PRCP: variants seen among roughly 807,000 people sequenced by gnomAD.
The protein encoded by PRCP is lysosomal Pro-X carboxypeptidase.
Under a neutral mutation model 54.2 loss-of-function variants are expected in PRCP, and 46 were observed. The ratio of observed to expected loss-of-function variants is 0.85; its 90% CI spans 0.67 to 1.09. The LOEUF (loss-of-function observed/expected upper bound fraction) is 1.09. PRCP is among the 50% of genes least tolerant of loss of function. The pLI is 0.00. For missense variants in PRCP, 613 were observed against 596.8 expected, an observed-to-expected ratio of 1.03 and a Z score of -0.28; for synonymous variants, 240 against 212.2, an observed-to-expected ratio of 1.13 and a Z score of -1.14.
chr11:82,900,187 G>A (rs1321483321), intron 1 of PRCP, 48 bp downstream of exon 1: 1 of 1,602,596 alleles, frequency 6.2e-7, no homozygotes, highest in African/African-American at 1.3e-5. Flanking sequence ...GAGGGTCAGG[G>A]TTCCCGGCGG....
intron 1 of PRCP, among the ~76,000 whole-genome samples, chr11:82,880,326 G>A (rs941196598): frequency 3.9e-5 from 6 of 152,224 alleles, no homozygotes; most frequent in African/African-American, 7.2e-5. Flanking sequence ...CTGTGGGTGT[G>A]GGACCCTCTG....
chr11:82,865,192 CA>C (rs1859302132), intron 1 of PRCP, among the ~76,000 whole-genome samples: 1 of 152,170 alleles, frequency 6.6e-6, no homozygotes, highest in African/African-American at 2.4e-5. Flanking sequence ...TAATTCTTTT[CA>C]TGTGCTTTTA....
intron 8 of PRCP, chr11:82,829,519 A>G (rs1473670009): frequency 6.6e-6 from 1 of 151,980 alleles, no homozygotes; most frequent in African/African-American, 2.4e-5. Context: ...TTCCCTGGTC[A>G]CTCTAATAAA....
At position 82,850,361 on chromosome 11, in the gene PRCP, C is replaced by A; in HGVS notation, c.556G>T (p.Ala186Ser). Residue 186 changes from alanine to serine, a missense_variant, in exon 4 of 9, where the codon GCC becomes TCC. Transcript: ENST00000313010. Reference sequence around the variant, plus strand: ...TGAGGATATTTCATCCTAAACCAGGCGGCAAGCATGCCACCATAGGAGCCT... The same window carrying A: ...TGAGGATATTTCATCCTAAACCAGGAGGCAAGCATGCCACCATAGGAGCCT... ...IGGSYGGMLA[A>S]WFRMKYPHMV... is the part of the protein sequence containing the mutation. The A allele has an allele frequency of 6.3e-7, 1 of 1,587,438 alleles. No individual in the cohort carries two copies. The highest frequency in any genetic ancestry group is 8.6e-7 in the Non-Finnish European group (1 of 1,165,378).
intron 1 of PRCP, among the ~76,000 whole-genome samples, chr11:82,878,082 T>C (rs978639574): frequency 6.6e-6 from 1 of 152,206 alleles, no homozygotes; most frequent in Non-Finnish European, 1.5e-5. Flanking sequence ...AAAATTTGAC[T>C]GCCCACTGGA....
intron 1 of PRCP, among the ~76,000 whole-genome samples, chr11:82,866,157 A>G (rs771647768): frequency 1.3e-5 from 2 of 152,256 alleles, no homozygotes; most frequent in African/African-American, 2.4e-5. Flanking sequence ...CATACAATGA[A>G]GATACCAGAA....
At chr11:82,897,466 T>C (rs1197100363) in intron 1 of PRCP, among the ~76,000 whole-genome samples, 6 of 152,296 alleles carry the variant, frequency 3.9e-5, no homozygotes, top group Admixed American at 2.0e-4. Flanking sequence ...ACACATACAA[T>C]ATAGTAAATG....
At chr11:82,865,394 A>C (rs1859307816) in intron 1 of PRCP, among the ~76,000 whole-genome samples, 1 of 152,232 alleles carries the variant, frequency 6.6e-6, no homozygotes, top group South Asian at 2.1e-4. Context: ...TACATTGCAG[A>C]ATATGTGGAA....
chr11:82,899,687 A>C (rs947212087), intron 1 of PRCP, among the ~76,000 whole-genome samples: 1 of 152,146 alleles, frequency 6.6e-6, no homozygotes, highest in Non-Finnish European at 1.5e-5. Flanking sequence ...AGCATAGGCT[A>C]CATACATTCA....
At position 82,824,676 on chromosome 11, in the gene PRCP, G is replaced by A. The variant is rs1268574043; in HGVS notation, c.*230C>T. ...TATGAGGGCCACTGATGGTGTGGGA[G>A]AGCTATCAAGAAGATTCTTCCTAGA... On this transcript the variant is annotated 3_prime_UTR_variant, in exon 9 of 9. Coordinates refer to ENST00000313010, the MANE Select transcript of PRCP (RefSeq NM_005040.4). 11 of 509,756 alleles carry A rather than the reference G, an allele frequency of 2.2e-5. No homozygotes were observed. The highest frequency in any genetic ancestry group is 3.9e-5 in the Non-Finnish European group (11 of 283,596). The allele number at this position is 509,756 out of a possible 1,614,324, so 31.6% of individuals were successfully genotyped here.
intron 8 of PRCP, 94 bp downstream of exon 8, chr11:82,838,293 G>C (rs781305040): frequency 8.4e-7 from 1 of 1,192,822 alleles, no homozygotes; most frequent in Non-Finnish European, 1.2e-6. Flanking sequence ...ATTCTATGTT[G>C]TTATATTGTC....
chr11:82,895,577 T>C (rs1388758154), intron 1 of PRCP, among the ~76,000 whole-genome samples: 1 of 152,234 alleles, frequency 6.6e-6, no homozygotes, highest in Non-Finnish European at 1.5e-5. Context: ...ACATGATCTC[T>C]AAGGCCCCTT....
At chr11:82,850,223 C>A (rs1262740543) in intron 4 of PRCP, 101 bp downstream of exon 4, 1 of 1,165,412 alleles carries the variant, frequency 8.6e-7, no homozygotes, top group East Asian at 2.8e-5. Flanking sequence ...AAGCCAGAAA[C>A]CTCAGGGTAA....
chr11:82,900,904 C>T (rs892592304), upstream of PRCP: 1 of 455,838 alleles, frequency 2.2e-6, no homozygotes, highest in Non-Finnish European at 4.4e-6. Context: ...AGGTTCACTA[C>T]AGGCCAGTGT....
rs1461709441 is a variant in PRCP, at chr11:82,849,095, G to A, written c.875C>T (p.Pro292Leu). ...TWVNLAMVDY[P>L]YASNFLQPLP... The stretch of plus-strand genomic sequence containing the variant: ...AGGCTGTAAAAAGTTAGAGGCATAA[G>A]GATAGTCCACCATTGCCAGATTCAC... The change falls in exon 6 of 9, where the codon CCT (proline) becomes CTT (leucine). Residue 292 changes from proline to leucine, a missense_variant. Physicochemically the swap from Pro to Leu is moderately conservative, Grantham distance 98. Coordinates refer to ENST00000313010, the MANE Select transcript of PRCP (RefSeq NM_005040.4). The A allele has an allele frequency of 3.1e-6, 5 of 1,614,102 alleles. No homozygotes were observed. Among genetic ancestry groups the A allele is most frequent in the Non-Finnish European group, 2.5e-6 (3 of 1,179,970 alleles).
intron 8 of PRCP, chr11:82,830,948 C>T (rs1187838374): frequency 6.9e-6 from 1 of 144,278 alleles, no homozygotes; most frequent in East Asian, 2.1e-4. Flanking sequence ...GGCTTAGCAA[C>T]AGTGTTTGGA....
Position 82,835,372 on chromosome 11 carries a change from A to C in PRCP, c.1274+3015T>G, listed in dbSNP as rs183930676. On this transcript the variant is annotated intron_variant, in intron 8 of 8. Transcript: ENST00000313010. The stretch of plus-strand genomic sequence containing the variant: ...CTAAAAGCTTTTGGCTATGTACCAA[A>C]GGCCAAATTTGACTTATTTAAAATA... The C allele has an allele frequency of 1.6e-4, 25 of 154,220 alleles. No homozygotes were observed. The Admixed American group carries it at 1.6e-3, about 10-fold the overall frequency. The allele number at this position is 154,220 out of a possible 1,614,324, so 9.6% of individuals were successfully genotyped here.
Position 82,849,933 on chromosome 11 carries a change from A to C in PRCP, c.732T>G (p.Ile244Met). 6.6e-7 allele frequency: 1 copy of C among 1,512,972 alleles called. No homozygotes were observed. The highest frequency in any genetic ancestry group is 1.4e-5 in the South Asian group (1 of 73,944). 93.7% of individuals were successfully genotyped at this position (1,512,972 alleles called of 1,614,324 possible). A position where few individuals can be genotyped will look rare whatever the true frequency, so the allele number is the denominator to read the frequency against. ...GCTTACCAGTATTTGAGAGTCGATT[A>C]ATGGCATCCCAGGACCTGTGGATGC... The part of the protein sequence containing the change: ...SESIHRSWDA[I>M]NRLSNTGSGL... The change falls in exon 5 of 9, where the codon ATT becomes ATG. Residue 244 changes from isoleucine (I) to methionine (M), a missense_variant. Ile to Met is a conservative substitution (Grantham distance 10, BLOSUM62 1). Transcript: ENST00000313010.
chr11:82,848,997 T>C (rs77538619), intron 6 of PRCP, 52 bp downstream of exon 6: 3 of 1,560,524 alleles, frequency 1.9e-6, no homozygotes, highest in Non-Finnish European at 2.6e-6. Context: ...AGTATGCACA[T>C]TAAAAAAAAA....
Sources: allele counts gnomAD v4.1 joint callset (sites outside exome capture counted in the v4.1 genomes callset), GRCh38; gene constraint gnomAD v4.1.1; transcripts MANE v1.5; gene names NCBI Gene and HGNC (gene_info 2026-07-23, HGNC 2026-07-21).